Variants in CERS1 observed in about 807,000 individuals in gnomAD.
CERS1 encodes the protein Embryonic growth/differentiation factor 1.
Under a neutral mutation model 35.7 loss-of-function variants are expected in CERS1, and 16 were observed. The observed-to-expected ratio is 0.45, with a 90% confidence interval of 0.30 to 0.68. CERS1 has a LOEUF of 0.68. Ranked by LOEUF, CERS1 falls within the 30% of genes least tolerant of loss-of-function variation. The pLI is 0.08. For synonymous variants in CERS1, 243 were observed against 201.6 expected (o/e 1.21, Z -1.74); for missense variants, 454 against 453.9 (o/e 1.00, Z 0.00).
At chr19:18,876,418 G>T (rs974063236) in intron 6 of CERS1, among the ~76,000 whole-genome samples, 2 of 150,410 alleles carry the variant, frequency 1.3e-5, no homozygotes, top group African/African-American at 4.9e-5. Context: ...GTGTGATCAC[G>T]GCTCACTGCA....
intron 6 of CERS1, among the ~76,000 whole-genome samples, chr19:18,871,748 C>CTT (rs2055974626): frequency 6.6e-6 from 1 of 152,236 alleles, no homozygotes; most frequent in South Asian, 2.1e-4. Context: ...GACTGTTGGT[C>CTT]TTTATCTGAG....
In CERS1 at chr19:18,895,383, C is replaced by G. The variant is rs1044202795; in HGVS notation, c.249+441G>C. Among the ~76,000 whole-genome samples the G allele has an allele frequency of 1.3e-5, 2 of 152,302 alleles. No individual in the cohort carries two copies. Among genetic ancestry groups the G allele is most frequent in the South Asian group, 4.1e-4 (2 of 4,830 alleles). On this transcript the variant is annotated intron_variant, in intron 1 of 7. Transcript: ENST00000623882. The surrounding 1 kb of genome is among the most constrained non-coding windows in gnomAD (Gnocchi z 6.4). ...CAGGCCGCGGTGCGCCGAGCCCTCC[C>G]GTTCCCGGTCCTGGGCTTCTCAGTG...
Position 18,869,356 on chromosome 19 carries a change from G to A in CERS1, c.*629C>T, listed in dbSNP as rs747631423. On this transcript the variant is annotated 3_prime_UTR_variant, in exon 8 of 8. Coordinates refer to ENST00000623882, the MANE Select transcript of CERS1 (RefSeq NM_021267.5). ...CTGTCCACTCAGGGCAATGCCCCGCGGCCGAGGCAGGCTCCGAGGCCCGGG... is the reference window on the plus strand; with the variant it reads ...CTGTCCACTCAGGGCAATGCCCCGCAGCCGAGGCAGGCTCCGAGGCCCGGG... 5 of 1,531,802 alleles carry A rather than the reference G, an allele frequency of 3.3e-6. No homozygotes were observed. Among genetic ancestry groups the A allele is most frequent in the African/African-American group, 1.4e-5 (1 of 72,464 alleles). 94.9% of individuals were successfully genotyped at this position (1,531,802 alleles called of 1,614,324 possible).
intron 2 of CERS1, among the ~76,000 whole-genome samples, chr19:18,889,820 GT>G (rs1394897258): frequency 6.6e-6 from 1 of 151,840 alleles, no homozygotes; most frequent in Non-Finnish European, 1.5e-5. Context: ...CAGAATCTTG[GT>G]CTCCCTGACC....
chr19:18,880,263 C>T lies in CERS1; in HGVS notation c.752+11G>A. ...CACCTCCCTCCCTGCCCAGCACTCC[C>T]TACCACTCACCAGCTGAAGCCGAAG... On this transcript the variant is annotated intron_variant, in intron 4 of 7. Coordinates refer to ENST00000623882, the MANE Select transcript of CERS1 (RefSeq NM_021267.5). The T allele has an allele frequency of 6.5e-7, 1 of 1,545,784 alleles. No homozygotes were observed. The highest frequency in any genetic ancestry group is 8.7e-7 in the Non-Finnish European group (1 of 1,144,604).
Position 18,878,208 on chromosome 19 carries a change from C to G in CERS1, c.1010+722G>C. ...ACAACCTCCTGCCCCGGCTCCTGCT[C>G]AAACACTCCTCACGTTGCCTATGAG... On this transcript the variant is annotated intron_variant, in intron 6 of 7. Transcript: ENST00000623882. The surrounding 1 kb of genome is among the most constrained non-coding windows in gnomAD (Gnocchi z 4.6). The G allele has an allele frequency of 3.0e-6, 3 of 985,602 alleles. No individual in the cohort carries two copies. Among genetic ancestry groups the G allele is most frequent in the South Asian group, 9.4e-5 (2 of 21,286 alleles). 61.1% of individuals were successfully genotyped at this position (985,602 alleles called of 1,614,324 possible). A position where few individuals can be genotyped will look rare whatever the true frequency, so the allele number is the denominator to read the frequency against.
chr19:18,868,884 C>A lies in CERS1; in HGVS notation c.*1101G>T. ...ATGACCCAGCGGTGCCAGCCCACCT[C>A]GCGGAAGCTCACGTACAGCCGCCGC... On this transcript the variant is annotated 3_prime_UTR_variant, in exon 8 of 8. Transcript: ENST00000623882. The A allele has an allele frequency of 7.0e-7, 1 of 1,431,234 alleles. No individual in the cohort carries two copies. The allele number at this position is 1,431,234 out of a possible 1,614,324, so 88.7% of individuals were successfully genotyped here.
intron 4 of CERS1, 102 bp downstream of exon 4, chr19:18,880,172 C>T (rs2056167308): frequency 1.8e-5 from 23 of 1,251,206 alleles, no homozygotes; most frequent in Middle Eastern, 5.6e-4. Flanking sequence ...ACCCACCTCA[C>T]CGGGCCCCGC....
chr19:18,893,519 G>C lies in CERS1; in HGVS notation c.306C>G (p.Ser102Arg). ...QPRDAAKMPE[S>R]AWKFLFYLGS... is the part of the protein sequence containing the mutation. ...CCAGGTAGAAGAGAAACTTCCAAGCGCTCTCGGGCATCTTGGCGGCATCTC... is the reference window on the plus strand; with the variant it reads ...CCAGGTAGAAGAGAAACTTCCAAGCCCTCTCGGGCATCTTGGCGGCATCTC... The change falls in exon 2 of 8, where the codon AGC becomes AGG. Residue 102 changes from serine to arginine, a missense_variant. Ser to Arg is a moderately radical substitution (Grantham distance 110). Coordinates refer to ENST00000623882, the MANE Select transcript of CERS1 (RefSeq NM_021267.5). The C allele has an allele frequency of 6.2e-7, 1 of 1,610,686 alleles. No individual in the cohort carries two copies.
chr19:18,870,539 G>C lies in CERS1; in HGVS notation c.*38C>G. On this transcript the variant is annotated 3_prime_UTR_variant, in exon 7 of 8. Coordinates refer to ENST00000623882, the MANE Select transcript of CERS1 (RefSeq NM_021267.5). This position sits in a 1 kb window ranked among gnomAD's most constrained non-coding sequence, Gnocchi z 5.1. ...GACGGGGAGCGTGGCCGGGGTATTC[G>C]GGGTGGGGCCGGGTCCACGGGGGCG... 2 of 511,002 alleles carry C rather than the reference G, an allele frequency of 3.9e-6. No individual in the cohort carries two copies. Among genetic ancestry groups the C allele is most frequent in the Non-Finnish European group, 7.0e-6 (2 of 283,908 alleles). The allele number at this position is 511,002 out of a possible 1,614,324, so 31.7% of individuals were successfully genotyped here. A position where few individuals can be genotyped will look rare whatever the true frequency, so the allele number is the denominator to read the frequency against.
In CERS1 at chr19:18,868,899, A is replaced by G; in HGVS notation, c.*1086T>C. 2.1e-6 allele frequency: 3 copies of G among 1,405,560 alleles called. No homozygotes were observed. The highest frequency in any genetic ancestry group is 1.5e-5 in the African/African-American group (1 of 65,322). The allele number at this position is 1,405,560 out of a possible 1,614,324, so 87.1% of individuals were successfully genotyped here. ...CAGCCCACCTCGCGGAAGCTCACGT[A>G]CAGCCGCCGCGCGCGACAAGCGCCC... On this transcript the variant is annotated 3_prime_UTR_variant, in exon 8 of 8. Transcript: ENST00000623882.
At chr19:18,892,269 G>T (rs552331661) in intron 2 of CERS1, among the ~76,000 whole-genome samples, 2 of 152,166 alleles carry the variant, frequency 1.3e-5, no homozygotes, top group African/African-American at 4.8e-5. Flanking sequence ...GGCAGCCAGA[G>T]GAAGCATTTT....
In CERS1 at chr19:18,868,664, T is replaced by TCAAAGAAGAGCA. The variant is rs1568289321; in HGVS notation, c.*1309_*1320dup. ...CCGCAGCACCACGTTGTCGCTGTTG[T>TCAAAGAAGAGCA]CAAAGAAGAGCACGGAGATGGGCGA... is the stretch of plus-strand genomic sequence containing the variant. On this transcript the variant is annotated 3_prime_UTR_variant, in exon 8 of 8. Coordinates refer to ENST00000623882, the MANE Select transcript of CERS1 (RefSeq NM_021267.5). 1.3e-6 allele frequency: 2 copies of TCAAAGAAGAGCA among 1,575,328 alleles called. No homozygotes were observed. The highest frequency in any genetic ancestry group is 1.7e-6 in the Non-Finnish European group (2 of 1,160,476).
chr19:18,885,993 C>A (rs1228873597), intron 2 of CERS1, among the ~76,000 whole-genome samples: 5 of 152,196 alleles, frequency 3.3e-5, no homozygotes, highest in Non-Finnish European at 7.3e-5. Context: ...CCTCCTCCTG[C>A]CTCCTGGTGC....
chr19:18,881,526 G>A (rs1426760166), intron 3 of CERS1, among the ~76,000 whole-genome samples: 2 of 151,596 alleles, frequency 1.3e-5, no homozygotes, highest in East Asian at 3.9e-4. Context: ...GGCCCCATTA[G>A]GATCTTAATA....
chr19:18,879,000 C>T lies in CERS1; in HGVS notation c.940G>A (p.Val314Met), dbSNP rs1376108272. ...TCCCGCAGGTCCTTCAGCTCGTGCA[C>T]CTGGCCTGTCAACACCTTGGCTGCA... is the stretch of plus-strand genomic sequence containing the variant. The part of the protein sequence containing the change: ...AFAAKVLTGQ[V>M]HELKDLREYD... Residue 314 changes from valine to methionine, a missense_variant, in exon 6 of 8, where the codon GTG (valine) becomes ATG (methionine). Coordinates refer to ENST00000623882, the MANE Select transcript of CERS1 (RefSeq NM_021267.5). This position sits in a 1 kb window ranked among gnomAD's most constrained non-coding sequence, Gnocchi z 4.6. The T allele has an allele frequency of 4.3e-6, 7 of 1,613,802 alleles. No individual in the cohort carries two copies. The highest frequency in any genetic ancestry group is 1.1e-5 in the South Asian group (1 of 91,086).
rs1337047470 is a variant in CERS1, at chr19:18,895,626, G to A, written c.249+198C>T. Among the ~76,000 whole-genome samples the A allele has an allele frequency of 6.6e-6, 1 of 151,890 alleles. No homozygotes were observed. The highest frequency in any genetic ancestry group is 1.9e-4 in the East Asian group (1 of 5,136). On this transcript the variant is annotated intron_variant, in intron 1 of 7. Transcript: ENST00000623882. This position sits in a 1 kb window ranked among gnomAD's most constrained non-coding sequence, Gnocchi z 6.4. Reference sequence around the variant, plus strand: ...ACGCAGCACTGTCTGAAGGGGGCGCGCGGCGGCCCGAGAGACCTTATCCTG... The same window carrying A: ...ACGCAGCACTGTCTGAAGGGGGCGCACGGCGGCCCGAGAGACCTTATCCTG...
At chr19:18,873,332 A>C (rs1381791574) in intron 6 of CERS1, among the ~76,000 whole-genome samples, 2 of 152,028 alleles carry the variant, frequency 1.3e-5, no homozygotes, top group Admixed American at 6.5e-5. Flanking sequence ...GTGTGGGTAG[A>C]GAAAGGGCCC....
At chr19:18,875,165 G>A (rs1056289811) in intron 6 of CERS1, among the ~76,000 whole-genome samples, 1 of 152,018 alleles carries the variant, frequency 6.6e-6, no homozygotes, top group Non-Finnish European at 1.5e-5. Flanking sequence ...AAGCCCAGGA[G>A]GTTGAGGCTG....
Sources: allele counts gnomAD v4.1 joint callset (sites outside exome capture counted in the v4.1 genomes callset), GRCh38; gene constraint gnomAD v4.1.1; non-coding constraint Gnocchi (gnomAD v3.1); transcripts MANE v1.5; gene names NCBI Gene and HGNC (gene_info 2026-07-23, HGNC 2026-07-21).